Variants in NRXN3 observed in about 807,000 individuals in gnomAD.
NRXN3 encodes neurexin 3, also known as neurexin III.
In NRXN3, 32 loss-of-function variants were observed where a neutral mutation model predicts 137.6. The observed-to-expected ratio is 0.23, with a 90% CI of 0.18 to 0.31. The LOEUF is 0.31. Among genes scored for constraint, NRXN3 ranks in the 10% least tolerant of loss-of-function variants. The probability of loss-of-function intolerance (pLI) is 1.00; values close to 1 mark genes in which losing one functional copy is unlikely to be tolerated. For missense variants in NRXN3, 1,574 were observed against 2,062.5 expected (o/e 0.76, Z 4.59); for synonymous variants, 798 against 784.5 (o/e 1.02, Z -0.29).
At chr14:79,166,700 A>AT (rs374710318) in intron 15 of NRXN3, among the ~76,000 whole-genome samples, 15 of 151,634 alleles carry the variant, frequency 9.9e-5, no homozygotes, top group African/African-American at 3.1e-4. Context: ...TGTGGAATAG[A>AT]TTTTTTAAAA....
intron 19 of NRXN3, among the ~76,000 whole-genome samples, chr14:79,711,227 T>C (rs777181697): frequency 1.1e-4 from 16 of 152,282 alleles, no homozygotes; most frequent in African/African-American, 1.4e-4. Flanking sequence ...TATAGTTTTA[T>C]GGAATGTTTA....
chr14:79,733,573 G>A (rs894640922), intron 19 of NRXN3, among the ~76,000 whole-genome samples: 12 of 151,952 alleles, frequency 7.9e-5, no homozygotes, highest in Admixed American at 5.2e-4. Context: ...AGAGCAGACA[G>A]TTTCTCAAAC....
At chr14:79,192,186 T>C (rs1264712242) in intron 15 of NRXN3, among the ~76,000 whole-genome samples, 1 of 152,198 alleles carries the variant, frequency 6.6e-6, no homozygotes, top group Admixed American at 6.5e-5. Context: ...ATTGGGATCT[T>C]AGCACTTACT....
chr14:79,670,625 T>C (rs1252917919), intron 17 of NRXN3, among the ~76,000 whole-genome samples: 1 of 152,084 alleles, frequency 6.6e-6, no homozygotes, highest in African/African-American at 2.4e-5. Flanking sequence ...TAAGCTATAT[T>C]TGTATGCTCT....
chr14:78,991,887 A>C (rs1300151831), intron 15 of NRXN3, among the ~76,000 whole-genome samples: 1 of 152,164 alleles, frequency 6.6e-6, no homozygotes, highest in African/African-American at 2.4e-5. Context: ...GAGTTGGCCA[A>C]GCCTGGATGT....
chr14:78,883,683 C>T lies in NRXN3; in HGVS notation c.2275+73339C>T, dbSNP rs192809223. 1.1e-3 allele frequency among the ~76,000 whole-genome samples: 163 copies of T among 152,298 alleles called. 2 individuals are homozygous for T. The highest frequency in any genetic ancestry group is 3.5e-3 in the African/African-American group (147 of 41,564). ...GATGTCTGTGTATTTTAGGGTTGCACTCACTTTGCATTAATTTTAACTGAG... is the reference window on the plus strand; with the variant it reads ...GATGTCTGTGTATTTTAGGGTTGCATTCACTTTGCATTAATTTTAACTGAG... On this transcript the variant is annotated intron_variant, in intron 10 of 20. Coordinates refer to ENST00000335750, the MANE Select transcript of NRXN3 (RefSeq NM_001330195.2).
intron 20 of NRXN3, among the ~76,000 whole-genome samples, chr14:79,811,019 T>A (rs1275293937): frequency 6.6e-6 from 1 of 152,222 alleles, no homozygotes; most frequent in Non-Finnish European, 1.5e-5. Context: ...AATAAGTCAA[T>A]TTTATTTAAC....
chr14:79,636,188 A>G (rs2098402226), intron 16 of NRXN3, among the ~76,000 whole-genome samples: 1 of 152,198 alleles, frequency 6.6e-6, no homozygotes, highest in Non-Finnish European at 1.5e-5. Flanking sequence ...CTAAGGCCAC[A>G]TTTGCAAGTA....
At chr14:79,421,122 A>G (rs897048010) in intron 15 of NRXN3, among the ~76,000 whole-genome samples, 2 of 152,210 alleles carry the variant, frequency 1.3e-5, no homozygotes, top group Non-Finnish European at 2.9e-5. Flanking sequence ...AGAGGTATAC[A>G]TTATATTTTT....
chr14:79,165,052 C>T (rs922106858), intron 15 of NRXN3, among the ~76,000 whole-genome samples: 45 of 152,032 alleles, frequency 3.0e-4, no homozygotes, highest in African/African-American at 1.1e-3. Context: ...ACTAAATTGG[C>T]ATTAATTTAA....
At chr14:78,323,671 A>C (rs1036177583) in intron 4 of NRXN3, among the ~76,000 whole-genome samples, 6 of 152,042 alleles carry the variant, frequency 3.9e-5, no homozygotes, top group African/African-American at 1.5e-4. Flanking sequence ...GCCTGTGGTC[A>C]GATCCTGTAG....
chr14:78,203,948 T>A lies in NRXN3; in HGVS notation c.-704+33274T>A, dbSNP rs2061943144. Among the ~76,000 whole-genome samples, 3 of 152,176 alleles carry A rather than the reference T, an allele frequency of 2.0e-5. No individual in the cohort carries two copies. The South Asian group carries it at 6.2e-4, about 32-fold the overall frequency. On this transcript the variant is annotated intron_variant, in intron 1 of 20. Coordinates refer to ENST00000335750, the MANE Select transcript of NRXN3 (RefSeq NM_001330195.2). ...AGAAACACACTGTGTTGTCTGATTT[T>A]TTTTTCCTGATTTTAGTGTTATAAT... is the stretch of plus-strand genomic sequence containing the variant.
At chr14:79,800,119 A>T (rs2099173017) in intron 19 of NRXN3, among the ~76,000 whole-genome samples, 1 of 152,202 alleles carries the variant, frequency 6.6e-6, no homozygotes, top group South Asian at 2.1e-4. Context: ...ACATAGGGGA[A>T]CCATCATACG....
At chr14:78,564,177 CAAT>C (rs747283637) in intron 4 of NRXN3, among the ~76,000 whole-genome samples, 2 of 152,158 alleles carry the variant, frequency 1.3e-5, no homozygotes, top group Non-Finnish European at 2.9e-5. Flanking sequence ...TAATAAAGCA[CAAT>C]AATAATGGAG....
chr14:79,194,181 C>T (rs1314778438), intron 15 of NRXN3, among the ~76,000 whole-genome samples: 1 of 152,174 alleles, frequency 6.6e-6, no homozygotes, highest in African/African-American at 2.4e-5. Context: ...GACTCAGACC[C>T]TGATATTACA....
At chr14:78,983,626 A>C (rs575384522) in intron 14 of NRXN3, among the ~76,000 whole-genome samples, 1 of 152,106 alleles carries the variant, frequency 6.6e-6, no homozygotes, top group Non-Finnish European at 1.5e-5. Flanking sequence ...TGGGAGGCCG[A>C]GGCAGGTAGA....
intron 20 of NRXN3, chr14:79,854,085 GT>G: frequency 3.0e-6 from 3 of 983,786 alleles, no homozygotes; most frequent in Non-Finnish European, 3.6e-6. Context: ...TTGCTCAAAA[GT>G]TTTTAAGAAA....
chr14:78,908,249 A>G (rs1305850809), intron 10 of NRXN3, among the ~76,000 whole-genome samples: 1 of 152,086 alleles, frequency 6.6e-6, no homozygotes, highest in Non-Finnish European at 1.5e-5. Context: ...CATTATAGAA[A>G]CAAGTAGTGT....
At chr14:79,355,020 A>G (rs1170675015) in intron 15 of NRXN3, among the ~76,000 whole-genome samples, 1 of 152,140 alleles carries the variant, frequency 6.6e-6, no homozygotes, top group Non-Finnish European at 1.5e-5. Context: ...ATAGATGCAT[A>G]TTTTTTGGAT....
Sources: allele counts gnomAD v4.1 joint callset (sites outside exome capture counted in the v4.1 genomes callset), GRCh38; gene constraint gnomAD v4.1.1; transcripts MANE v1.5; gene names NCBI Gene and HGNC (gene_info 2026-07-23, HGNC 2026-07-21).